The following LRP1B variants were observed in gnomAD, a reference collection of about 807,000 sequenced individuals.
The protein encoded by LRP1B is LDL receptor related protein 1B, also known as low-density lipoprotein receptor-related protein 1B.
Under a neutral mutation model 556.6 loss-of-function variants are expected in LRP1B, and 217 were observed. The observed-to-expected ratio is 0.39, with a 90% CI of 0.35 to 0.44. The LOEUF is 0.44. Ranked by LOEUF, LRP1B falls within the 20% of genes least tolerant of loss-of-function variation. The probability of loss-of-function intolerance (pLI) is 1.00; values close to 1 mark genes in which losing one functional copy is unlikely to be tolerated. For missense variants in LRP1B, 5,053 were observed against 5,620.8 expected, an observed-to-expected ratio of 0.90 and a Z score of 3.23; for synonymous variants, 2,047 against 1,865.8, an observed-to-expected ratio of 1.10 and a Z score of -2.50.
At position 140,364,723 on chromosome 2, in the gene LRP1B, A is replaced by C. The variant is rs1220560996; in HGVS notation, c.11069T>G (p.Phe3690Cys). 3.7e-6 allele frequency: 6 copies of C among 1,610,308 alleles called. No individual in the cohort carries two copies. The Admixed American group carries it at 5.0e-5, about 13-fold the overall frequency. Residue 3690 changes from phenylalanine to cysteine, a missense_variant, in exon 72 of 91, where the codon TTC becomes TGC. By Grantham distance (205) the Phe-to-Cys change is radical (BLOSUM62 -2). Transcript: ENST00000389484. ...LCNNSLCKLH[F>C]WVCDGEDDCG... The stretch of plus-strand genomic sequence containing the variant: ...GTCGTCCTCTCCATCACACACCCAG[A>C]AATGTAGTTTGCAGAGAGAATTATT...
chr2:141,599,417 A>G (rs950586759), intron 2 of LRP1B, among the ~76,000 whole-genome samples: 5 of 152,114 alleles, frequency 3.3e-5, no homozygotes, highest in African/African-American at 4.8e-5. Flanking sequence ...TCCAGATCCA[A>G]AAACTTCCTT....
intron 2 of LRP1B, among the ~76,000 whole-genome samples, chr2:141,619,159 C>T (rs945284302): frequency 3.3e-5 from 5 of 152,028 alleles, no homozygotes; most frequent in African/African-American, 1.2e-4. Context: ...CCTCAACCTG[C>T]TTTTCTTGAG....
At chr2:141,071,500 C>T (rs1699641732) in intron 7 of LRP1B, among the ~76,000 whole-genome samples, 2 of 152,042 alleles carry the variant, frequency 1.3e-5, no homozygotes, top group South Asian at 2.1e-4. Context: ...GAAGTTCTGG[C>T]CAGGGCAATT....
At chr2:140,781,733 A>G (rs922752207) in intron 32 of LRP1B, among the ~76,000 whole-genome samples, 3 of 152,222 alleles carry the variant, frequency 2.0e-5, no homozygotes, top group African/African-American at 7.2e-5. Context: ...ACATAACTCC[A>G]CTATGTTCAC....
intron 86 of LRP1B, among the ~76,000 whole-genome samples, chr2:140,268,247 C>T (rs1205742250): frequency 1.3e-5 from 2 of 151,914 alleles, no homozygotes; most frequent in African/African-American, 4.8e-5. Context: ...TCTCTTCATT[C>T]TTTTCTCTGG....
intron 2 of LRP1B, among the ~76,000 whole-genome samples, chr2:141,702,712 G>GA (rs911761022): frequency 7.9e-5 from 12 of 151,542 alleles, no homozygotes; most frequent in African/African-American, 2.7e-4. Context: ...ATGGATTATT[G>GA]AAAAAAAAGT....
intron 1 of LRP1B, among the ~76,000 whole-genome samples, chr2:141,987,611 G>A (rs972460794): frequency 6.8e-6 from 1 of 146,580 alleles, no homozygotes; most frequent in Non-Finnish European, 1.5e-5. Context: ...CTTAGGGTTT[G>A]GGAGGGAATG....
chr2:141,345,013 G>A (rs1688193809), intron 3 of LRP1B, among the ~76,000 whole-genome samples: 1 of 152,084 alleles, frequency 6.6e-6, no homozygotes, highest in South Asian at 2.1e-4. Flanking sequence ...TATCCAAATG[G>A]GCCCAATGTA....
At chr2:141,373,401 C>G (rs1689306502) in intron 3 of LRP1B, among the ~76,000 whole-genome samples, 1 of 152,070 alleles carries the variant, frequency 6.6e-6, no homozygotes, top group Non-Finnish European at 1.5e-5. Flanking sequence ...TATGTTAAAT[C>G]TCTTTCTCAA....
At chr2:140,440,467 G>A (rs1251979292) in intron 66 of LRP1B, among the ~76,000 whole-genome samples, 1 of 152,154 alleles carries the variant, frequency 6.6e-6, no homozygotes, top group Non-Finnish European at 1.5e-5. Flanking sequence ...CCTTTGCAAA[G>A]TGTTCTGTTT....
intron 2 of LRP1B, among the ~76,000 whole-genome samples, chr2:141,579,599 TA>T (rs1686887448): frequency 6.6e-6 from 1 of 152,036 alleles, no homozygotes; most frequent in Non-Finnish European, 1.5e-5. Context: ...TAGACTAGCA[TA>T]AAATTTGAAT....
At chr2:141,504,247 G>A (rs756008196) in intron 2 of LRP1B, among the ~76,000 whole-genome samples, 1 of 152,146 alleles carries the variant, frequency 6.6e-6, no homozygotes, top group Non-Finnish European at 1.5e-5. Flanking sequence ...AGTTCTCCAA[G>A]GGCAGGATGA....
intron 1 of LRP1B, among the ~76,000 whole-genome samples, chr2:141,980,235 C>A (rs1702005415): frequency 6.6e-6 from 1 of 152,006 alleles, no homozygotes; most frequent in African/African-American, 2.4e-5. Flanking sequence ...GTCCTTGGCA[C>A]TAGGCAACTA....
intron 60 of LRP1B, among the ~76,000 whole-genome samples, chr2:140,461,495 T>A (rs2105329478): frequency 6.6e-6 from 1 of 152,322 alleles, no homozygotes; most frequent in South Asian, 2.1e-4. Flanking sequence ...AAATGTTATC[T>A]TAAAATATTA....
chr2:141,699,560 TTTG>T (rs1691860712), intron 2 of LRP1B, among the ~76,000 whole-genome samples: 1 of 151,534 alleles, frequency 6.6e-6, no homozygotes, highest in Non-Finnish European at 1.5e-5. Context: ...ATACAAAGTG[TTTG>T]TTATTTTTTA....
chr2:140,645,030 T>C (rs907026880), intron 41 of LRP1B, among the ~76,000 whole-genome samples: 11 of 152,274 alleles, frequency 7.2e-5, no homozygotes, highest in African/African-American at 2.6e-4. Context: ...CTTTTTCTAA[T>C]TATATAGATT....
chr2:142,022,465 T>C (rs1703360799), intron 1 of LRP1B, among the ~76,000 whole-genome samples: 1 of 152,044 alleles, frequency 6.6e-6, no homozygotes, highest in African/African-American at 2.4e-5. Flanking sequence ...TCATGGCACA[T>C]ACTGAAAAGA....
At chr2:140,925,865 A>G (rs1056832341) in intron 20 of LRP1B, among the ~76,000 whole-genome samples, 2 of 152,122 alleles carry the variant, frequency 1.3e-5, no homozygotes, top group Non-Finnish European at 2.9e-5. Context: ...CCTTCCTTTT[A>G]TAAAGATCAA....
Position 140,994,074 on chromosome 2 carries a change from T to C in LRP1B, c.2565A>G (p.Arg855=), listed in dbSNP as rs145664374. 250 of 1,612,832 alleles carry C rather than the reference T, an allele frequency of 1.6e-4. 1 individual carries two copies. In the African/African-American group the frequency reaches 3.0e-3, roughly 20 times the overall value. The stretch of plus-strand genomic sequence containing the variant: ...ATTTCCACCGAGCTTGGATACAGTG[T>C]CTGTTTTTGCAGCGAAACTCTCCAG... ...CKAGEFRCKN[R]HCIQARWKCD... Residue 855 remains arginine, a synonymous_variant, in exon 16 of 91, where the codon AGA becomes AGG. Coordinates refer to ENST00000389484, the MANE Select transcript of LRP1B (RefSeq NM_018557.3).
Sources: gnomAD v4.1 joint callset for allele counts (sites outside exome capture counted in the v4.1 genomes callset) on GRCh38, gnomAD v4.1.1 for gene constraint, MANE v1.5 for transcripts, NCBI Gene and HGNC (gene_info 2026-07-23, HGNC 2026-07-21) for gene names.